Variants in KHDRBS2 observed in about 807,000 individuals in gnomAD.
KHDRBS2 encodes KH domain-containing, RNA-binding, signal transduction-associated protein 2.
A neutral mutation model predicts 44.3 loss-of-function variants in KHDRBS2; 26 were observed. The observed-to-expected ratio is 0.59, with a 90% confidence interval of 0.43 to 0.81. The LOEUF (loss-of-function observed/expected upper bound fraction) is 0.81. Ranked by LOEUF, KHDRBS2 falls within the 40% of genes least tolerant of loss-of-function variation. The pLI is 0.00. For missense variants in KHDRBS2, 476 were observed against 433.1 expected (o/e 1.10, Z -0.88); for synonymous variants, 194 against 151.1 (o/e 1.28, Z -2.08).
Position 62,100,198 on chromosome 6 carries a change from G to T in KHDRBS2, c.220-52204C>A, listed in dbSNP as rs183272143. ...TGTAGATGTAATGGAAATAGCAAGA[G>T]AATTATAATTAGAAGTGAAGCTTGA... is the stretch of plus-strand genomic sequence containing the variant. On this transcript the variant is annotated intron_variant, in intron 2 of 8. Coordinates refer to ENST00000281156, the MANE Select transcript of KHDRBS2 (RefSeq NM_152688.4). Among the ~76,000 whole-genome samples the T allele has an allele frequency of 1.4e-3, 206 of 152,272 alleles. 1 individual carries two copies. Among genetic ancestry groups the T allele is most frequent in the African/African-American group, 4.7e-3 (196 of 41,544 alleles).
intron 2 of KHDRBS2, among the ~76,000 whole-genome samples, chr6:62,079,160 G>T (rs573665458): frequency 6.6e-6 from 1 of 151,636 alleles, no homozygotes; most frequent in Non-Finnish European, 1.5e-5. Flanking sequence ...AGTCATCTTG[G>T]GTTTCTCTGT....
chr6:62,116,296 A>T (rs547227681), intron 2 of KHDRBS2, among the ~76,000 whole-genome samples: 1 of 152,248 alleles, frequency 6.6e-6, no homozygotes, highest in Non-Finnish European at 1.5e-5. Context: ...TTCCAAAAAC[A>T]TATTTCTCCT....
At chr6:62,167,185 A>T (rs1248649567) in intron 2 of KHDRBS2, among the ~76,000 whole-genome samples, 1 of 152,074 alleles carries the variant, frequency 6.6e-6, no homozygotes, top group Non-Finnish European at 1.5e-5. Flanking sequence ...TTGCAGAATG[A>T]AAACAACTAG....
At chr6:61,895,124 A>G (rs1802719496) in intron 5 of KHDRBS2, among the ~76,000 whole-genome samples, 2 of 119,018 alleles carry the variant, frequency 1.7e-5, no homozygotes, top group Non-Finnish European at 3.6e-5. Context: ...CAAAGCCAGA[A>G]AAAAAAAAAA....
chr6:61,622,514 G>A, the KHDRBS2 span, among the ~76,000 whole-genome samples: 2 of 152,188 alleles, frequency 1.3e-5, no homozygotes, highest in South Asian at 2.1e-4. Context: ...AAGCCAGAAT[G>A]TAAGTCTGAA....
At chr6:62,060,633 C>A (rs11968838) in intron 2 of KHDRBS2, among the ~76,000 whole-genome samples, 90,141 of 144,524 alleles carry the variant, frequency 0.62, 28,011 homozygotes, top group East Asian at 0.8. Context: ...CTCTCTCTCT[C>A]TATATATATA....
intron 1 of KHDRBS2, among the ~76,000 whole-genome samples, chr6:62,203,274 A>T (rs969633156): frequency 1.3e-5 from 2 of 152,124 alleles, no homozygotes; most frequent in Non-Finnish European, 2.9e-5. Flanking sequence ...GAAAAACTGA[A>T]ATACATGTTG....
Position 61,699,407 on chromosome 6 carries a change from C to A in KHDRBS2, c.894-2154G>T, listed in dbSNP as rs567618533. 5.0e-4 allele frequency among the ~76,000 whole-genome samples: 76 copies of A among 151,984 alleles called. 1 individual carries two copies. The South Asian group carries it at 0.016, about 32-fold the overall frequency. Reference sequence around the variant, plus strand: ...TCTTGGTTTAAAGTTAGATGTCAAGCATTGCCCCCCTATATAATTCTTAAT... The same window carrying A: ...TCTTGGTTTAAAGTTAGATGTCAAGAATTGCCCCCCTATATAATTCTTAAT... On this transcript the variant is annotated intron_variant, in intron 7 of 8. Coordinates refer to ENST00000281156, the MANE Select transcript of KHDRBS2 (RefSeq NM_152688.4).
At chr6:61,907,762 C>T (rs1805291563) in intron 4 of KHDRBS2, among the ~76,000 whole-genome samples, 1 of 152,160 alleles carries the variant, frequency 6.6e-6, no homozygotes, top group South Asian at 2.1e-4. Flanking sequence ...TATTATAGTG[C>T]TTTTTTCCAG....
At chr6:61,903,944 G>A (rs1232621423) in intron 4 of KHDRBS2, among the ~76,000 whole-genome samples, 1 of 152,194 alleles carries the variant, frequency 6.6e-6, no homozygotes, top group Non-Finnish European at 1.5e-5. Flanking sequence ...AGCTGGTGCA[G>A]TCAGAAAAAT....
chr6:61,809,091 AAAG>A (rs1787675031), intron 6 of KHDRBS2, among the ~76,000 whole-genome samples: 1 of 152,118 alleles, frequency 6.6e-6, no homozygotes, highest in Non-Finnish European at 1.5e-5. Context: ...GGGAAAAAAA[AAAG>A]AAGGTAAACT....
At chr6:61,554,576 G>C in the KHDRBS2 span, among the ~76,000 whole-genome samples, 2 of 152,112 alleles carry the variant, frequency 1.3e-5, no homozygotes, top group Non-Finnish European at 2.9e-5. Context: ...TTATTATGCA[G>C]ATATTTTTGT....
chr6:62,109,938 T>A (rs993143421), intron 2 of KHDRBS2, among the ~76,000 whole-genome samples: 3 of 151,876 alleles, frequency 2.0e-5, no homozygotes, highest in African/African-American at 7.2e-5. Flanking sequence ...AAAGAAGACA[T>A]AGGAGGAAAC....
At chr6:62,039,363 T>C (rs1013929506) in intron 3 of KHDRBS2, among the ~76,000 whole-genome samples, 1 of 151,800 alleles carries the variant, frequency 6.6e-6, no homozygotes, top group Non-Finnish European at 1.5e-5. Flanking sequence ...TATATAGAAT[T>C]TCATACAATT....
At chr6:61,741,702 TA>T (rs1318673385) in intron 6 of KHDRBS2, among the ~76,000 whole-genome samples, 13 of 151,900 alleles carry the variant, frequency 8.6e-5, no homozygotes, top group African/African-American at 2.9e-4. Flanking sequence ...AAGTTCAACC[TA>T]ACACTAATAT....
In KHDRBS2 at chr6:61,773,415, G is replaced by A. The variant is rs1781341185; in HGVS notation, c.811-40651C>T. 2.6e-5 allele frequency among the ~76,000 whole-genome samples: 4 copies of A among 151,906 alleles called. No homozygotes were observed. In the South Asian group the frequency reaches 8.3e-4, roughly 32 times the overall value. ...AGTGATGATGAGCATTTTTTCATGTGTTTTTTTGGCTGCATAAATGTCTTC... is the reference window on the plus strand; with the variant it reads ...AGTGATGATGAGCATTTTTTCATGTATTTTTTTGGCTGCATAAATGTCTTC... On this transcript the variant is annotated intron_variant, in intron 6 of 8. Coordinates refer to ENST00000281156, the MANE Select transcript of KHDRBS2 (RefSeq NM_152688.4).
At position 62,071,191 on chromosome 6, in the gene KHDRBS2, GT is replaced by G. The variant is rs561330757; in HGVS notation, c.220-23198del. Among the ~76,000 whole-genome samples the G allele has an allele frequency of 6.0e-4, 91 of 152,068 alleles. 2 individuals carry two copies. The South Asian group carries it at 0.018, about 29-fold the overall frequency. On this transcript the variant is annotated intron_variant, in intron 2 of 8. Transcript: ENST00000281156. ...CGCCCACTTGTTGATGGGGTTGTTT[GT>G]TTTTTTCTTGTAAATTTGTTTGAGA...
intron 7 of KHDRBS2, among the ~76,000 whole-genome samples, chr6:61,722,317 A>C (rs1218706782): frequency 1.3e-5 from 2 of 152,096 alleles, no homozygotes; most frequent in Non-Finnish European, 2.9e-5. Context: ...GATTCATTTG[A>C]AATTTTCCTG....
At chr6:61,609,989 C>T in the KHDRBS2 span, among the ~76,000 whole-genome samples, 197 of 152,082 alleles carry the variant, frequency 1.3e-3, no homozygotes, top group Non-Finnish European at 1.7e-3. Context: ...CTGGCTAACA[C>T]GGTGAAACCC....
Sources: gnomAD v4.1 joint callset for allele counts (sites outside exome capture counted in the v4.1 genomes callset) on GRCh38, gnomAD v4.1.1 for gene constraint, MANE v1.5 for transcripts, NCBI Gene and HGNC (gene_info 2026-07-23, HGNC 2026-07-21) for gene names.